Variants in ZFPM2 observed in about 807,000 individuals in gnomAD.
ZFPM2 encodes the protein zinc finger protein ZFPM2.
Under a neutral mutation model 98.6 loss-of-function variants are expected in ZFPM2, and 20 were observed. The observed-to-expected ratio is 0.20, with a 90% CI of 0.14 to 0.29. The LOEUF is 0.29. Ranked by LOEUF, ZFPM2 falls within the 10% of genes least tolerant of loss-of-function variation. The pLI is 1.00. For missense variants in ZFPM2, 1,310 were observed against 1,388.6 expected (o/e 0.94, Z 0.90); for synonymous variants, 518 against 502.7 (o/e 1.03, Z -0.41).
intron 5 of ZFPM2, among the ~76,000 whole-genome samples, chr8:105,773,384 T>C (rs1369700769): frequency 6.6e-6 from 1 of 152,094 alleles, no homozygotes; most frequent in Non-Finnish European, 1.5e-5. Context: ...ATTTCCATAT[T>C]TTAGAATAGA....
intron 3 of ZFPM2, 60 bp from the exon 4 acceptor site, chr8:105,561,303 A>G (rs750613340): frequency 3.2e-6 from 4 of 1,265,266 alleles, no homozygotes; most frequent in Non-Finnish European, 4.6e-6. Context: ...ACACAAAAAG[A>G]GGTGGCTGCT....
intron 5 of ZFPM2, among the ~76,000 whole-genome samples, chr8:105,664,269 C>T (rs1364028977): frequency 1.3e-5 from 2 of 151,742 alleles, no homozygotes; most frequent in African/African-American, 4.8e-5. Context: ...TTCATTATAC[C>T]ATATCAAATA....
chr8:105,374,508 C>A (rs1810684010), intron 1 of ZFPM2, among the ~76,000 whole-genome samples: 1 of 151,900 alleles, frequency 6.6e-6, no homozygotes, highest in Non-Finnish European at 1.5e-5. Context: ...CCTTCAGCCT[C>A]ACAAGTAGCT....
intron 4 of ZFPM2, among the ~76,000 whole-genome samples, chr8:105,592,965 T>C (rs1423321416): frequency 6.6e-6 from 1 of 152,160 alleles, no homozygotes; most frequent in Non-Finnish European, 1.5e-5. Flanking sequence ...CAAAGGGAAT[T>C]AGTGTGCAAG....
At chr8:105,550,737 A>G in intron 3 of ZFPM2, among the ~76,000 whole-genome samples, 1 of 152,202 alleles carries the variant, frequency 6.6e-6, no homozygotes, top group African/African-American at 2.4e-5. Context: ...AGTGTTCACC[A>G]GAGAATGGCA....
chr8:105,782,779 T>G (rs1813287482), intron 5 of ZFPM2, among the ~76,000 whole-genome samples: 3 of 152,200 alleles, frequency 2.0e-5, no homozygotes, highest in Admixed American at 2.0e-4. Context: ...GTCCACCCAA[T>G]ACTTTTACAG....
intron 2 of ZFPM2, among the ~76,000 whole-genome samples, chr8:105,441,786 ACCT>A (rs1282707665): frequency 1.3e-5 from 2 of 151,976 alleles, no homozygotes; most frequent in African/African-American, 4.8e-5. Flanking sequence ...GATACCATAA[ACCT>A]CCTGCTCACC....
intron 5 of ZFPM2, among the ~76,000 whole-genome samples, chr8:105,730,686 C>A (rs1365202191): frequency 6.6e-6 from 1 of 151,300 alleles, no homozygotes; most frequent in Non-Finnish European, 1.5e-5. Context: ...TTTTAATACA[C>A]ACAGTATATT....
chr8:105,339,982 AT>A (rs1367318441), intron 1 of ZFPM2, among the ~76,000 whole-genome samples: 2 of 151,900 alleles, frequency 1.3e-5, no homozygotes, highest in East Asian at 3.9e-4. Flanking sequence ...TTGTTACAGG[AT>A]TTGAAAATAT....
At chr8:105,393,336 GCCTTTCTT>G (rs2129944301) in intron 1 of ZFPM2, among the ~76,000 whole-genome samples, 1 of 34,154 alleles carries the variant, frequency 2.9e-5, no homozygotes, top group African/African-American at 1.2e-4. Context: ...CTCTCTCTTT[GCCTTTCTT>G]TCTTTCTTTC....
intron 4 of ZFPM2, among the ~76,000 whole-genome samples, chr8:105,619,866 C>A (rs957303496): frequency 3.9e-5 from 6 of 152,034 alleles, no homozygotes; most frequent in Non-Finnish European, 1.5e-5. Context: ...AGAACTCATC[C>A]TTTTTTATGG....
intron 5 of ZFPM2, among the ~76,000 whole-genome samples, chr8:105,694,514 T>C (rs1358687027): frequency 1.3e-5 from 2 of 152,192 alleles, no homozygotes; most frequent in Non-Finnish European, 2.9e-5. Flanking sequence ...ATCTGTAATA[T>C]GAAAACTGTG....
At chr8:105,461,599 A>G (rs1812705611) in intron 3 of ZFPM2, among the ~76,000 whole-genome samples, 1 of 152,134 alleles carries the variant, frequency 6.6e-6, no homozygotes, top group Admixed American at 6.5e-5. Context: ...ATCTAGGATT[A>G]ATGTTGAGGT....
intron 4 of ZFPM2, among the ~76,000 whole-genome samples, chr8:105,587,194 A>T (rs756417291): frequency 6.7e-6 from 1 of 148,968 alleles, no homozygotes; most frequent in Non-Finnish European, 1.5e-5. Context: ...GGAGAATGGC[A>T]TGAACCCGGG....
chr8:105,518,084 G>T (rs1410032438), intron 3 of ZFPM2, among the ~76,000 whole-genome samples: 1 of 152,164 alleles, frequency 6.6e-6, no homozygotes, highest in Non-Finnish European at 1.5e-5. Flanking sequence ...GAGGCACTTT[G>T]AAAATGGATA....
chr8:105,710,691 G>C (rs1224977429), intron 5 of ZFPM2, among the ~76,000 whole-genome samples: 1 of 150,758 alleles, frequency 6.6e-6, no homozygotes, highest in African/African-American at 2.4e-5. Flanking sequence ...GTGTGTGTGT[G>C]TGTGTGTGTG....
chr8:105,690,152 C>T (rs1337926712), intron 5 of ZFPM2, among the ~76,000 whole-genome samples: 1 of 152,162 alleles, frequency 6.6e-6, no homozygotes, highest in Non-Finnish European at 1.5e-5. Flanking sequence ...GAGAGGTTAC[C>T]GTCTTCACTT....
intron 2 of ZFPM2, among the ~76,000 whole-genome samples, chr8:105,443,327 A>AAAAAAAAC (rs1491182230): frequency 7.2e-6 from 1 of 139,346 alleles, no homozygotes; most frequent in Non-Finnish European, 1.6e-5. Flanking sequence ...AACAAAAAAC[A>AAAAAAAAC]AAAAAAAAAA....
At chr8:105,599,047 G>A (rs2130780304) in intron 4 of ZFPM2, among the ~76,000 whole-genome samples, 1 of 152,152 alleles carries the variant, frequency 6.6e-6, no homozygotes, top group Non-Finnish European at 1.5e-5. Context: ...GTGTATAACA[G>A]AATTTCCAGA....
Sources: allele counts gnomAD v4.1 joint callset (sites outside exome capture counted in the v4.1 genomes callset), GRCh38; gene constraint gnomAD v4.1.1; transcripts MANE v1.5; gene names NCBI Gene and HGNC (gene_info 2026-07-23, HGNC 2026-07-21).